The following LCORL variants were observed in gnomAD, a reference collection of about 807,000 sequenced individuals.
The protein encoded by LCORL is ligand dependent nuclear receptor corepressor like, also known as ligand-dependent nuclear receptor corepressor-like protein.
A neutral mutation model predicts 141.8 loss-of-function variants in LCORL; 41 were observed. The observed-to-expected ratio is 0.29, with a 90% CI of 0.23 to 0.38. LCORL has a LOEUF of 0.38. LCORL is among the 10% of genes least tolerant of loss of function. LCORL has a pLI of 1.00. For missense variants in LCORL, 1,759 were observed against 2,035.0 expected (o/e 0.86, Z 2.61); for synonymous variants, 618 against 694.1 (o/e 0.89, Z 1.72).
In LCORL at chr4:17,998,780, C is replaced by T. The variant is rs544218020; in HGVS notation, c.154+22818G>A. 3.3e-5 allele frequency among the ~76,000 whole-genome samples: 5 copies of T among 151,336 alleles called. No homozygotes were observed. The East Asian group carries it at 9.7e-4, about 29-fold the overall frequency. On this transcript the variant is annotated intron_variant, in intron 1 of 7. Transcript: ENST00000635767. ...ACGAGTTCAAGACCAGCCTGGGCAA[C>T]ATAACGAAACCCTGTCTCTGCAAAA...
At chr4:17,997,984 T>C (rs1721174921) in intron 1 of LCORL, among the ~76,000 whole-genome samples, 2 of 152,204 alleles carry the variant, frequency 1.3e-5, no homozygotes, top group South Asian at 4.1e-4. Flanking sequence ...AGGTGATTTG[T>C]TGTTGTTGTG....
Position 17,927,004 on chromosome 4 carries a change from G to A in LCORL, c.431-17659C>T, listed in dbSNP as rs947831897. Among the ~76,000 whole-genome samples the A allele has an allele frequency of 2.6e-5, 4 of 152,146 alleles. No homozygotes were observed. The East Asian group carries it at 7.7e-4, about 29-fold the overall frequency. The stretch of plus-strand genomic sequence containing the variant: ...TGCTCTAGCTATGAAAGCCCTAGAC[G>A]GCGTCTTCTTTTAACAGAAGACTGT... On this transcript the variant is annotated intron_variant, in intron 4 of 7. Transcript: ENST00000635767.
chr4:17,856,384 A>G (rs1318382677), intron 7 of LCORL, among the ~76,000 whole-genome samples: 1 of 152,224 alleles, frequency 6.6e-6, no homozygotes, highest in Non-Finnish European at 1.5e-5. Context: ...AAGGGGTACC[A>G]GAGGGTCCTC....
At chr4:17,974,136 A>T (rs1366909731) in intron 1 of LCORL, among the ~76,000 whole-genome samples, 1 of 152,050 alleles carries the variant, frequency 6.6e-6, no homozygotes, top group Non-Finnish European at 1.5e-5. Context: ...TTAGAGTAGA[A>T]GATACTCTAT....
intron 5 of LCORL, among the ~76,000 whole-genome samples, chr4:17,905,537 C>CT (rs1028874234): frequency 6.6e-5 from 10 of 150,778 alleles, no homozygotes; most frequent in African/African-American, 9.7e-5. Context: ...ACCAACATTT[C>CT]TTTTTTTTTC....
chr4:17,928,065 CAAG>C (rs534442527), intron 4 of LCORL, among the ~76,000 whole-genome samples: 10 of 152,094 alleles, frequency 6.6e-5, no homozygotes, highest in Non-Finnish European at 1.2e-4. Context: ...ACACCACGAA[CAAG>C]AAGGATTTAT....
intron 7 of LCORL, among the ~76,000 whole-genome samples, chr4:17,865,181 G>A (rs543462540): frequency 2.6e-5 from 4 of 152,186 alleles, no homozygotes; most frequent in African/African-American, 4.8e-5. Context: ...TTCACTCAAC[G>A]GCAGTAGAAT....
chr4:17,944,851 C>T (rs1738596671), intron 4 of LCORL, among the ~76,000 whole-genome samples: 1 of 152,086 alleles, frequency 6.6e-6, no homozygotes, highest in Non-Finnish European at 1.5e-5. Context: ...TTATAAACAA[C>T]AGAAATTTGT....
chr4:17,965,454 A>C (rs1026912466), intron 2 of LCORL, among the ~76,000 whole-genome samples: 5 of 152,160 alleles, frequency 3.3e-5, no homozygotes, highest in Non-Finnish European at 7.4e-5. Flanking sequence ...AAAAGATGTT[A>C]TCTCTCTTTT....
At chr4:18,004,470 G>A (rs1048859105) in intron 1 of LCORL, among the ~76,000 whole-genome samples, 13 of 152,072 alleles carry the variant, frequency 8.5e-5, no homozygotes, top group East Asian at 3.9e-4. Context: ...AAAACCGTCC[G>A]ATCTCATGAA....
intron 5 of LCORL, among the ~76,000 whole-genome samples, chr4:17,897,956 A>T (rs141547461): frequency 2.1e-3 from 320 of 152,296 alleles, no homozygotes; most frequent in African/African-American, 7.2e-3. Flanking sequence ...TATTTCAGTG[A>T]TCAGATGAGG....
chr4:18,018,949 AAT>A (rs548852900), intron 1 of LCORL, among the ~76,000 whole-genome samples: 124 of 152,292 alleles, frequency 8.1e-4, no homozygotes, highest in African/African-American at 2.8e-3. Flanking sequence ...CTTTTTTATA[AAT>A]ATGTTTATAA....
At chr4:17,873,425 G>A (rs1726582513) in exon 7 of LCORL, 1 of 1,233,690 alleles carries the variant, frequency 8.1e-7, no homozygotes, top group Non-Finnish European at 1.0e-6. Context: ...TTTGTCCACT[G>A]TTGCAAGACT....
chr4:17,906,584 T>G (rs1731655828), intron 5 of LCORL, among the ~76,000 whole-genome samples: 1 of 152,232 alleles, frequency 6.6e-6, no homozygotes, highest in Admixed American at 6.5e-5. Flanking sequence ...TTACAATAAT[T>G]TAAATAATTA....
At chr4:18,020,421 T>C (rs748818564) in intron 1 of LCORL, 1 of 151,496 alleles carries the variant, frequency 6.6e-6, no homozygotes, top group African/African-American at 2.4e-5. Flanking sequence ...ACAACCTTCC[T>C]TTCTACCTCT....
intron 5 of LCORL, among the ~76,000 whole-genome samples, chr4:17,895,684 C>T (rs747166822): frequency 6.6e-6 from 1 of 152,174 alleles, no homozygotes; most frequent in South Asian, 2.1e-4. Flanking sequence ...AAATCCTGCA[C>T]CCTTGGGCGA....
chr4:17,860,580 C>G (rs889801594), intron 7 of LCORL, among the ~76,000 whole-genome samples: 4 of 152,144 alleles, frequency 2.6e-5, no homozygotes, highest in Non-Finnish European at 5.9e-5. Context: ...CTGGTCCCTC[C>G]CAAATCTCAT....
At chr4:17,940,452 G>A (rs1737754466) in intron 4 of LCORL, among the ~76,000 whole-genome samples, 1 of 144,216 alleles carries the variant, frequency 6.9e-6, no homozygotes, top group African/African-American at 2.7e-5. Context: ...TAATATATAT[G>A]TAATATATAT....
intron 1 of LCORL, among the ~76,000 whole-genome samples, chr4:17,976,711 C>G (rs1175165769): frequency 6.6e-6 from 1 of 152,086 alleles, no homozygotes; most frequent in Non-Finnish European, 1.5e-5. Context: ...AATCATTTGT[C>G]TCAATTTTTT....
Sources: gnomAD v4.1 joint callset for allele counts (sites outside exome capture counted in the v4.1 genomes callset) on GRCh38, gnomAD v4.1.1 for gene constraint, MANE v1.5 for transcripts, NCBI Gene and HGNC (gene_info 2026-07-23, HGNC 2026-07-21) for gene names.